Variants in EPS8L3 observed in about 807,000 individuals in gnomAD.
EPS8L3 encodes the protein EPS8 signaling adaptor L3, also known as epidermal growth factor receptor kinase substrate 8-like protein 3.
Under a neutral mutation model 88.5 loss-of-function variants are expected in EPS8L3, and 80 were observed. The observed-to-expected ratio is 0.90, with a 90% CI of 0.75 to 1.09. The LOEUF is 1.09. EPS8L3 is among the 50% of genes least tolerant of loss of function. EPS8L3 has a pLI of 0.00. For missense variants in EPS8L3, 721 were observed against 735.2 expected, an observed-to-expected ratio of 0.98 and a Z score of 0.22; for synonymous variants, 286 against 291.0, an observed-to-expected ratio of 0.98 and a Z score of 0.18.
rs756574514 is a variant in EPS8L3 at position 109,761,754 on chromosome 1, A to G, written c.-5T>C. The G allele has an allele frequency of 1.2e-6, 2 of 1,613,852 alleles. No individual in the cohort carries two copies. Among genetic ancestry groups the G allele is most frequent in the South Asian group, 1.1e-5 (1 of 91,058 alleles). On this transcript the variant is annotated 5_prime_UTR_variant, in exon 2 of 19. Transcript: ENST00000361965. The stretch of plus-strand genomic sequence containing the variant: ...TCTGCTGCTGGGCCTTGACATGTTG[A>G]CGCTGCTGAGGACGGCTCCCTAGAA...
Position 109,757,016 on chromosome 1 carries a change from C to T in EPS8L3, c.1118+1G>A, listed in dbSNP as rs1650345526. 1 of 1,614,224 alleles carries T rather than the reference C, an allele frequency of 6.2e-7. No individual in the cohort carries two copies. Among genetic ancestry groups the T allele is most frequent in the Non-Finnish European group, 8.5e-7 (1 of 1,180,038 alleles). ...TCAGTTCAGGCTTTGTCTTCACTCA[C>T]CGGCTAGTGGTCCAGGCTGGGCCCA... On this transcript the variant is annotated splice_donor_variant, in intron 12 of 18. Transcript: ENST00000361965. LOFTEE classifies it high-confidence loss of function.
chr1:109,761,719 A>G lies in EPS8L3; in HGVS notation c.31T>C (p.Leu11=). The G allele has an allele frequency of 6.2e-7, 1 of 1,613,978 alleles. No homozygotes were observed. Among genetic ancestry groups the G allele is most frequent in the Non-Finnish European group, 8.5e-7 (1 of 1,179,992 alleles). MSRPSSRAIY[L]HRKEYSQNLT... is the part of the protein sequence containing the mutation. ...GGAGAGGGGCCTGCCAGGAGCTTAC[A>G]GTAAATGGCTCTGCTGCTGGGCCTT... The change falls in exon 2 of 19, where the codon TTG becomes CTG. Residue 11 remains leucine, a splice_region_variant and synonymous_variant. Transcript: ENST00000361965.
At chr1:109,760,758 C>T (rs1172404557) in intron 3 of EPS8L3, among the ~76,000 whole-genome samples, 1 of 152,114 alleles carries the variant, frequency 6.6e-6, no homozygotes, top group Non-Finnish European at 1.5e-5. Flanking sequence ...CCCCAGCTCC[C>T]TCCCTGCTTG....
intron 1 of EPS8L3, among the ~76,000 whole-genome samples, chr1:109,763,330 T>C (rs561484270): frequency 6.9e-6 from 1 of 144,640 alleles, no homozygotes; most frequent in South Asian, 2.5e-4. Flanking sequence ...ATGCTCTCCA[T>C]GCAGAAGAGG....
rs1053204971 is a variant in EPS8L3, at chr1:109,761,405, T to C, written c.96+90A>G. On this transcript the variant is annotated intron_variant, in intron 3 of 18. Coordinates refer to ENST00000361965, the MANE Select transcript of EPS8L3 (RefSeq NM_133181.4). The stretch of plus-strand genomic sequence containing the variant: ...TGTTGGCTTCTGGGGCAGGGACTTG[T>C]GTGAAGTGTCCATGTTCTGGCAGGG... 5 of 1,159,450 alleles carry C rather than the reference T, an allele frequency of 4.3e-6. No individual in the cohort carries two copies. The African/African-American group carries it at 7.6e-5, about 18-fold the overall frequency. The allele number at this position is 1,159,450 out of a possible 1,614,324, so 71.8% of individuals were successfully genotyped here. A position where few individuals can be genotyped will look rare whatever the true frequency, so the allele number is the denominator to read the frequency against.
intron 14 of EPS8L3, among the ~76,000 whole-genome samples, 191 bp downstream of exon 14, chr1:109,752,495 A>G (rs190346606): frequency 1.3e-5 from 2 of 152,276 alleles, no homozygotes; most frequent in East Asian, 3.9e-4. Context: ...CATGAGAAGA[A>G]GCAATGGGAG....
rs1218852206 is a variant in EPS8L3, at chr1:109,759,021, GCTGGGAGGCCC to G, written c.461+30_461+40del. On this transcript the variant is annotated intron_variant, in intron 6 of 18. Transcript: ENST00000361965. The surrounding 1 kb of genome is among the most constrained non-coding windows in gnomAD (Gnocchi z 4.2). The stretch of plus-strand genomic sequence containing the variant: ...GTCAGGGTCTGGCCCCCGAGGCTGA[GCTGGGAGGCCC>G]CATAGGTGGGCTGGGCAGAGGCTGC... The G allele has an allele frequency of 2.9e-5, 46 of 1,565,280 alleles. No individual in the cohort carries two copies. The highest frequency in any genetic ancestry group is 3.9e-5 in the Non-Finnish European group (45 of 1,152,792).
chr1:109,753,124 G>A lies in EPS8L3; in HGVS notation c.1193C>T (p.Ser398Phe), dbSNP rs1649960944. 1.2e-6 allele frequency: 2 copies of A among 1,613,488 alleles called. No individual in the cohort carries two copies. Among genetic ancestry groups the A allele is most frequent in the Non-Finnish European group, 1.7e-6 (2 of 1,179,644 alleles). Residue 398 changes from serine (S) to phenylalanine (F), a missense_variant, in exon 13 of 19, where the codon TCC becomes TTC. Coordinates refer to ENST00000361965, the MANE Select transcript of EPS8L3 (RefSeq NM_133181.4). ...FSDDWQLPEP[S>F]SQAPLGYQDP... ...ATGCCAAGCTCCCCTTACTTGGCTGGAGGGCTCTGGAAGTTGCCAGTCATC... is the reference window on the plus strand; with the variant it reads ...ATGCCAAGCTCCCCTTACTTGGCTGAAGGGCTCTGGAAGTTGCCAGTCATC...
intron 3 of EPS8L3, chr1:109,761,197 T>G: frequency 3.0e-6 from 1 of 336,854 alleles, no homozygotes; most frequent in African/African-American, 2.0e-5. Context: ...GGTGGGTGGT[T>G]GTAGGTGCTT....
In EPS8L3 at chr1:109,761,498, C is replaced by T; in HGVS notation, c.93G>A (p.Val31=). 1.9e-6 allele frequency: 3 copies of T among 1,612,116 alleles called. No homozygotes were observed. Among genetic ancestry groups the T allele is most frequent in the Admixed American group, 1.7e-5 (1 of 59,892 alleles). The change falls in exon 3 of 19, where the codon GTG becomes GTA. Residue 31 remains valine, a synonymous_variant. Coordinates refer to ENST00000361965, the MANE Select transcript of EPS8L3 (RefSeq NM_133181.4). Reference sequence around the variant, plus strand: ...CGGGGGCTGCAGAGGTACTCACCTCCACCCTGTGCTGCAGGAGGGTGGGCT... The same window carrying T: ...CGGGGGCTGCAGAGGTACTCACCTCTACCCTGTGCTGCAGGAGGGTGGGCT... ...TSEPTLLQHR[V]EHLMTCKQGS... is the part of the protein sequence containing the mutation.
rs770765061 is a variant in EPS8L3 at position 109,752,198 on chromosome 1, G to A, written c.1236-5C>T. Reference sequence around the variant, plus strand: ...CCTAACCTATGACTTCCCCGCCTAAGAAACAGAGTCAGGATGGCTGGAGAA... The same window carrying A: ...CCTAACCTATGACTTCCCCGCCTAAAAAACAGAGTCAGGATGGCTGGAGAA... On this transcript the variant is annotated splice_polypyrimidine_tract_variant and splice_region_variant and intron_variant, in intron 14 of 18. Coordinates refer to ENST00000361965, the MANE Select transcript of EPS8L3 (RefSeq NM_133181.4). The A allele has an allele frequency of 6.2e-7, 1 of 1,609,112 alleles. No homozygotes were observed. Among genetic ancestry groups the A allele is most frequent in the Non-Finnish European group, 8.5e-7 (1 of 1,176,884 alleles).
chr1:109,758,694 T>C lies in EPS8L3; in HGVS notation c.462-31A>G, dbSNP rs1650566048. The C allele has an allele frequency of 3.9e-6, 6 of 1,529,720 alleles. No homozygotes were observed. The South Asian group carries it at 6.4e-5, about 16-fold the overall frequency. 94.8% of individuals were successfully genotyped at this position (1,529,720 alleles called of 1,614,324 possible). ...GAGGACATGGTAGGGGCCACATCTT[T>C]GACAAGGTTCTTTGGAGAGAGGCCC... On this transcript the variant is annotated intron_variant, in intron 6 of 18. Transcript: ENST00000361965.
chr1:109,761,187 G>A (rs1650901446), intron 3 of EPS8L3: 3 of 320,268 alleles, frequency 9.4e-6, no homozygotes, highest in African/African-American at 4.1e-5. Context: ...AGGGTAGGTG[G>A]GTGGGTGGTT....
chr1:109,757,774 C>T, intron 10 of EPS8L3, 28 bp downstream of exon 10: 1 of 1,605,512 alleles, frequency 6.2e-7, no homozygotes, highest in South Asian at 1.1e-5. Flanking sequence ...AGAGGAGAGG[C>T]CTGGTGAACT....
Position 109,751,278 on chromosome 1 carries a change from G to A in EPS8L3, c.1637C>T (p.Ala546Val), listed in dbSNP as rs369110301. 49 of 1,613,396 alleles carry A rather than the reference G, an allele frequency of 3.0e-5. No homozygotes were observed. The highest frequency in any genetic ancestry group is 1.3e-4 in the South Asian group (12 of 90,960). Residue 546 changes from alanine (A) to valine (V), a missense_variant and splice_region_variant, in exon 17 of 19, where the codon GCC (alanine) becomes GTC (valine). Physicochemically the swap from Ala to Val is moderately conservative, Grantham distance 64. Transcript: ENST00000361965. The part of the protein sequence containing the change: ...DWLQAENFST[A>V]TVRTLGSLTG... ...ATATCCTGTAGGGCCAGGCACTCAC[G>A]CAGTGGAGAAGTTCTCTGCCTGCAG... is the stretch of plus-strand genomic sequence containing the variant.
intron 8 of EPS8L3, 86 bp downstream of exon 8, chr1:109,758,230 G>T: frequency 7.2e-7 from 1 of 1,392,946 alleles, no homozygotes; most frequent in Non-Finnish European, 1.0e-6. Flanking sequence ...TGGGACCCTG[G>T]CCTCCTAGAA....
At position 109,761,485 on chromosome 1, in the gene EPS8L3, A is replaced by G. The variant is rs747496117; in HGVS notation, c.96+10T>C. The G allele has an allele frequency of 4.4e-6, 7 of 1,606,852 alleles. No homozygotes were observed. The highest frequency in any genetic ancestry group is 6.0e-6 in the Non-Finnish European group (7 of 1,174,940). ...GTTGGACACTGCCCGGGGGCTGCAGAGGTACTCACCTCCACCCTGTGCTGC... is the reference window on the plus strand; with the variant it reads ...GTTGGACACTGCCCGGGGGCTGCAGGGGTACTCACCTCCACCCTGTGCTGC... On this transcript the variant is annotated intron_variant, in intron 3 of 18. Coordinates refer to ENST00000361965, the MANE Select transcript of EPS8L3 (RefSeq NM_133181.4).
intron 1 of EPS8L3, among the ~76,000 whole-genome samples, chr1:109,763,014 C>T (rs564842637): frequency 6.6e-6 from 1 of 152,292 alleles, no homozygotes; most frequent in East Asian, 1.9e-4. Context: ...TGGGTATCCA[C>T]ATGTCTACAT....
chr1:109,751,320 T>TAG lies in EPS8L3; in HGVS notation c.1594_1595insCT (p.Glu532AlafsTer18). The stretch of plus-strand genomic sequence containing the variant: ...TGCCTGCAGCCAGTCTGTGACCTCT[T>TAG]CAGGCCTCGAGCTAAGTCGAAGCAT... On this transcript the variant is annotated frameshift_variant, in exon 17 of 19. Coordinates refer to ENST00000361965, the MANE Select transcript of EPS8L3 (RefSeq NM_133181.4). LOFTEE classifies it high-confidence loss of function. 6.2e-7 allele frequency: 1 copy of TAG among 1,613,984 alleles called. No homozygotes were observed. Among genetic ancestry groups the TAG allele is most frequent in the Non-Finnish European group, 8.5e-7 (1 of 1,179,994 alleles).
Sources: gnomAD v4.1 joint callset for allele counts (sites outside exome capture counted in the v4.1 genomes callset) on GRCh38, gnomAD v4.1.1 for gene constraint, Gnocchi (gnomAD v3.1) non-coding constraint, MANE v1.5 for transcripts, NCBI Gene and HGNC (gene_info 2026-07-23, HGNC 2026-07-21) for gene names.